Variants in MILR1 observed in about 807,000 individuals in gnomAD.
MILR1 encodes the protein mast cell immunoglobulin like receptor 1.
In MILR1, 31 loss-of-function variants were observed where a neutral mutation model predicts 18.5. The observed-to-expected ratio is 1.68, with a 90% CI of 1.26 to 2.26. The LOEUF is 2.26. MILR1 is among the 30% of genes most tolerant of loss of function. The probability of loss-of-function intolerance (pLI) is 0.00; values close to 1 mark genes in which losing one functional copy is unlikely to be tolerated. For missense variants in MILR1, 257 were observed against 157.4 expected (o/e 1.63, Z -3.38); for synonymous variants, 85 against 56.2 (o/e 1.51, Z -2.30).
chr17:64,485,480 G>T, the MILR1 span: 1 of 493,350 alleles, frequency 2.0e-6, no homozygotes, highest in Non-Finnish European at 3.7e-6. Context: ...GAGTCATAGA[G>T]ATAGCTGTCT....
At chr17:64,496,435 A>T in the MILR1 span, 1 of 1,587,680 alleles carries the variant, frequency 6.3e-7, no homozygotes, top group African/African-American at 1.3e-5. Context: ...GTAGTTTCCC[A>T]GAAGTTTTTA....
At position 64,467,645 on chromosome 17, in the gene MILR1, G is replaced by T; in HGVS notation, c.*28G>T. On this transcript the variant is annotated splice_region_variant and 3_prime_UTR_variant, in exon 9 of 10. Coordinates refer to ENST00000619286, the MANE Select transcript of MILR1 (RefSeq NM_001085423.2). The stretch of plus-strand genomic sequence containing the variant: ...TTTACAGAAACAAACTACATCTCAG[G>T]GTAAGATGCTTTTTATGAAGCTGAT... 1 of 1,530,512 alleles carries T rather than the reference G, an allele frequency of 6.5e-7. No homozygotes were observed. Among genetic ancestry groups the T allele is most frequent in the East Asian group, 2.3e-5 (1 of 42,956 alleles). 94.8% of individuals were successfully genotyped at this position (1,530,512 alleles called of 1,614,324 possible). A position where few individuals can be genotyped will look rare whatever the true frequency, so the allele number is the denominator to read the frequency against.
intron 3 of MILR1, among the ~76,000 whole-genome samples, chr17:64,454,519 C>T (rs2037247206): frequency 6.6e-6 from 1 of 152,210 alleles, no homozygotes; most frequent in Admixed American, 6.5e-5. Context: ...CCATTCCCAT[C>T]ATCACAGAAA....
chr17:64,470,508 G>A (rs1037044231), downstream of MILR1, among the ~76,000 whole-genome samples: 1 of 152,106 alleles, frequency 6.6e-6, no homozygotes, highest in Non-Finnish European at 1.5e-5. Context: ...ATTGTGAAGC[G>A]CCTGCCTCAT....
chr17:64,482,556 G>A, the MILR1 span, among the ~76,000 whole-genome samples: 1 of 152,178 alleles, frequency 6.6e-6, no homozygotes, highest in African/African-American at 2.4e-5. Context: ...TTGACCTCGT[G>A]ATCCACCCGC....
chr17:64,458,273 T>C (rs1389627825), intron 4 of MILR1, among the ~76,000 whole-genome samples: 1 of 151,442 alleles, frequency 6.6e-6, no homozygotes, highest in Non-Finnish European at 1.5e-5. Context: ...AGTGCAGTGG[T>C]GTGATCTCAG....
the MILR1 span, among the ~76,000 whole-genome samples, chr17:64,489,028 CTTTTTTT>C: frequency 7.3e-6 from 1 of 136,474 alleles, no homozygotes; most frequent in Non-Finnish European, 1.6e-5. Context: ...TTTTCTTTTT[CTTTTTTT>C]TTTTTTTTGA....
chr17:64,469,749 C>T (rs1405309486), downstream of MILR1, among the ~76,000 whole-genome samples: 1 of 152,156 alleles, frequency 6.6e-6, no homozygotes, highest in Non-Finnish European at 1.5e-5. Flanking sequence ...TCAGCACGCT[C>T]AGACCCACGC....
chr17:64,492,585 C>A, the MILR1 span: 1 of 770,260 alleles, frequency 1.3e-6, no homozygotes, highest in Non-Finnish European at 2.2e-6. Context: ...AATATAATTT[C>A]TTGTATGTCA....
At chr17:64,453,257 C>A (rs1211231690) in intron 3 of MILR1, among the ~76,000 whole-genome samples, 1 of 151,592 alleles carries the variant, frequency 6.6e-6, no homozygotes, top group African/African-American at 2.4e-5. Context: ...TTACTTGAGA[C>A]GAGGTTTCAC....
At chr17:64,495,392 C>T in the MILR1 span, among the ~76,000 whole-genome samples, 6 of 151,958 alleles carry the variant, frequency 3.9e-5, no homozygotes, top group African/African-American at 1.5e-4. Context: ...CCAGCCTGGA[C>T]AACATGGCAA....
chr17:64,489,194 T>A, the MILR1 span, among the ~76,000 whole-genome samples: 1 of 151,356 alleles, frequency 6.6e-6, no homozygotes, highest in Non-Finnish European at 1.5e-5. Flanking sequence ...TGGCCAAGTC[T>A]AGGACAATTT....
At chr17:64,490,732 T>A in the MILR1 span, 1 of 1,310,964 alleles carries the variant, frequency 7.6e-7, no homozygotes, top group Non-Finnish European at 1.1e-6. Flanking sequence ...TATTCTCAAA[T>A]GGTTCGGAAA....
the MILR1 span, among the ~76,000 whole-genome samples, chr17:64,478,211 GAA>G: frequency 6.6e-6 from 1 of 152,112 alleles, no homozygotes; most frequent in African/African-American, 2.4e-5. Context: ...AGTCATAAAA[GAA>G]AATAAAATCT....
At chr17:64,466,742 A>T in intron 8 of MILR1, 80 bp downstream of exon 8, 2 of 1,228,424 alleles carry the variant, frequency 1.6e-6, no homozygotes, top group Non-Finnish European at 2.3e-6. Context: ...CAGGGGCTTC[A>T]GGAGCCCGTT....
At chr17:64,486,483 T>C in the MILR1 span, among the ~76,000 whole-genome samples, 1 of 152,044 alleles carries the variant, frequency 6.6e-6, no homozygotes, top group Admixed American at 6.6e-5. Context: ...TGCCTCAGTC[T>C]CCTGAGTAGC....
At chr17:64,461,231 T>C (rs1195944641) in intron 5 of MILR1, among the ~76,000 whole-genome samples, 2 of 151,970 alleles carry the variant, frequency 1.3e-5, no homozygotes, top group African/African-American at 2.4e-5. Context: ...ACTCCACATT[T>C]GGTATTTGTT....
the MILR1 span, chr17:64,492,531 A>T: frequency 1.6e-6 from 1 of 642,006 alleles, no homozygotes. Flanking sequence ...ATTGTTACAA[A>T]GAGTTTTTGT....
the MILR1 span, among the ~76,000 whole-genome samples, chr17:64,476,838 AT>A: frequency 6.7e-6 from 1 of 150,368 alleles, no homozygotes; most frequent in African/African-American, 2.5e-5. Flanking sequence ...AAAAATTAAA[AT>A]TAAAATAAAA....
Sources: allele counts gnomAD v4.1 joint callset (sites outside exome capture counted in the v4.1 genomes callset), GRCh38; gene constraint gnomAD v4.1.1; transcripts MANE v1.5; gene names NCBI Gene and HGNC (gene_info 2026-07-23, HGNC 2026-07-21).